The following ZNF365 variants were observed in gnomAD, a reference collection of about 807,000 sequenced individuals.
ZNF365 encodes protein ZNF365.
Under a neutral mutation model 35.0 loss-of-function variants are expected in ZNF365, and 22 were observed. That is an observed-to-expected ratio of 0.63 (90% CI 0.45 to 0.90). The LOEUF (loss-of-function observed/expected upper bound fraction) is 0.90. Ranked by LOEUF, ZNF365 falls within the 40% of genes least tolerant of loss-of-function variation. The probability of loss-of-function intolerance (pLI) is 0.00; values close to 1 mark genes in which losing one functional copy is unlikely to be tolerated. For missense variants in ZNF365, 448 were observed against 500.3 expected (o/e 0.90, Z 1.00); for synonymous variants, 188 against 196.2 (o/e 0.96, Z 0.35).
chr10:62,399,551 T>C lies in ZNF365; in HGVS notation c.986T>C (p.Val329Ala), dbSNP rs138452965. The change falls in exon 5 of 5, where the codon GTA becomes GCA. Residue 329 changes from valine (V) to alanine (A), a missense_variant. Coordinates refer to ENST00000395254, the MANE Select transcript of ZNF365 (RefSeq NM_014951.3). ...AGAAGCCGAGGGCACCCGCATTCGG[T>C]ATGTAACCACCCTGATCTCAAGGCC... The part of the protein sequence containing the change: ...KCLSRGHPHS[V>A]CNHPDLKAHF... The C allele has an allele frequency of 7.1e-5, 114 of 1,614,002 alleles. No homozygotes were observed. The East Asian group carries it at 2.5e-3, about 36-fold the overall frequency.
chr10:62,376,087 C>T, intron 1 of ZNF365, 94 bp from the exon 2 acceptor site: 2 of 1,394,628 alleles, frequency 1.4e-6, no homozygotes, highest in Non-Finnish European at 2.0e-6. Flanking sequence ...TCACTTGAAA[C>T]CAAAAAGCCT....
chr10:62,469,605 C>T (rs1841000681), intron 4 of ZNF365, among the ~76,000 whole-genome samples: 1 of 151,946 alleles, frequency 6.6e-6, no homozygotes, highest in Non-Finnish European at 1.5e-5. Flanking sequence ...TTTGAAGTCT[C>T]ATTATACACG....
intron 2 of ZNF365, among the ~76,000 whole-genome samples, chr10:62,388,036 C>T (rs544340352): frequency 2.4e-4 from 37 of 152,302 alleles, no homozygotes; most frequent in African/African-American, 7.2e-4. Flanking sequence ...ATGGCTTCTT[C>T]CACAGGTCTC....
At chr10:62,456,982 T>G (rs1036491926) in intron 3 of ZNF365, among the ~76,000 whole-genome samples, 2 of 152,178 alleles carry the variant, frequency 1.3e-5, no homozygotes, top group Admixed American at 6.5e-5. Flanking sequence ...CTGCTCACAC[T>G]TCTGAGCTCA....
chr10:62,462,051 A>C (rs1162828769), intron 4 of ZNF365, among the ~76,000 whole-genome samples: 1 of 152,054 alleles, frequency 6.6e-6, no homozygotes, highest in Non-Finnish European at 1.5e-5. Context: ...CTTTGGTTTA[A>C]CTCAGTGATT....
chr10:62,409,047 G>A (rs1839946600), intron 3 of ZNF365, among the ~76,000 whole-genome samples: 1 of 152,138 alleles, frequency 6.6e-6, no homozygotes, highest in South Asian at 2.1e-4. Flanking sequence ...TAATGGGGTA[G>A]GGCCATCTCC....
At chr10:62,402,528 G>T (rs1349234955), downstream of ZNF365, 1 of 883,870 alleles carries the variant, frequency 1.1e-6, no homozygotes, top group Non-Finnish European at 1.4e-6. Flanking sequence ...AAACAAAATG[G>T]TCCTTCCTGA....
chr10:62,428,976 A>G (rs1840294217), intron 3 of ZNF365, among the ~76,000 whole-genome samples: 1 of 152,200 alleles, frequency 6.6e-6, no homozygotes, highest in Admixed American at 6.5e-5. Flanking sequence ...CAGTCACTAA[A>G]CAGAGTTGGA....
intron 3 of ZNF365, among the ~76,000 whole-genome samples, chr10:62,454,308 G>T (rs767543118): frequency 3.3e-5 from 5 of 152,150 alleles, no homozygotes; most frequent in Non-Finnish European, 7.4e-5. Context: ...CTTTTAGAAG[G>T]TCTAGACCAG....
rs1252271570 is a variant in ZNF365, at chr10:62,374,370, G to A, written c.-102G>A. 1 of 152,130 alleles carries A rather than the reference G, an allele frequency of 6.6e-6. No individual in the cohort carries two copies. The highest frequency in any genetic ancestry group is 1.5e-5 in the Non-Finnish European group (1 of 68,040). 9.4% of individuals were successfully genotyped at this position (152,130 alleles called of 1,614,324 possible). A position where few individuals can be genotyped will look rare whatever the true frequency, so the allele number is the denominator to read the frequency against. Reference sequence around the variant, plus strand: ...GGGGAGTGGGAGCCGGCCCGGCTCAGTCTGATTTACGGCTCTGCTGAAAAC... The same window carrying A: ...GGGGAGTGGGAGCCGGCCCGGCTCAATCTGATTTACGGCTCTGCTGAAAAC... On this transcript the variant is annotated 5_prime_UTR_variant, in exon 1 of 5. Transcript: ENST00000395254.
intron 3 of ZNF365, among the ~76,000 whole-genome samples, chr10:62,395,123 A>C (rs1419188715): frequency 6.6e-6 from 1 of 152,154 alleles, no homozygotes; most frequent in Non-Finnish European, 1.5e-5. Context: ...GGCTCTCTGT[A>C]TCTTCACTAA....
At chr10:62,410,066 T>A (rs1251943881) in intron 3 of ZNF365, among the ~76,000 whole-genome samples, 2 of 152,138 alleles carry the variant, frequency 1.3e-5, no homozygotes, top group African/African-American at 4.8e-5. Flanking sequence ...GCACTATGTA[T>A]TTTTTCAACA....
At chr10:62,461,597 C>T (rs1051647035) in intron 4 of ZNF365, among the ~76,000 whole-genome samples, 1 of 152,170 alleles carries the variant, frequency 6.6e-6, no homozygotes, top group Non-Finnish European at 1.5e-5. Flanking sequence ...AATACAAGGC[C>T]TTGGATGTAG....
intron 3 of ZNF365, among the ~76,000 whole-genome samples, chr10:62,414,298 C>G (rs550120077): frequency 6.6e-6 from 1 of 152,094 alleles, no homozygotes; most frequent in African/African-American, 2.4e-5. Flanking sequence ...CTCCTGGGCT[C>G]AGAGGATCCT....
chr10:62,396,382 G>T (rs1839728052), intron 3 of ZNF365, among the ~76,000 whole-genome samples: 1 of 152,190 alleles, frequency 6.6e-6, no homozygotes, highest in Admixed American at 6.5e-5. Flanking sequence ...TAACTCTGCT[G>T]CCTTAGCTTC....
At chr10:62,479,307 T>C (rs917217907) in intron 4 of ZNF365, among the ~76,000 whole-genome samples, 4 of 152,228 alleles carry the variant, frequency 2.6e-5, no homozygotes, top group African/African-American at 9.6e-5. Context: ...TCATAATTAC[T>C]CTTAATTTTA....
chr10:62,381,325 A>G (rs1806852956), intron 2 of ZNF365, among the ~76,000 whole-genome samples: 1 of 152,088 alleles, frequency 6.6e-6, no homozygotes, highest in African/African-American at 2.4e-5. Context: ...TGGATAACAC[A>G]CTCATTTTAT....
chr10:62,413,846 A>C (rs1840028675), intron 3 of ZNF365, among the ~76,000 whole-genome samples: 1 of 152,186 alleles, frequency 6.6e-6, no homozygotes, highest in Non-Finnish European at 1.5e-5. Context: ...TCCTCTATCA[A>C]AACTTCTGAA....
intron 3 of ZNF365, among the ~76,000 whole-genome samples, chr10:62,432,632 A>G (rs923779996): frequency 3.9e-5 from 6 of 152,218 alleles, no homozygotes; most frequent in Non-Finnish European, 5.9e-5. Flanking sequence ...CTGCCTTTTA[A>G]GACCATTGTG....
Sources: allele counts gnomAD v4.1 joint callset (sites outside exome capture counted in the v4.1 genomes callset), GRCh38; gene constraint gnomAD v4.1.1; transcripts MANE v1.5; gene names NCBI Gene and HGNC (gene_info 2026-07-23, HGNC 2026-07-21).